The following GATM variants were observed in gnomAD, a reference collection of about 807,000 sequenced individuals.
GATM encodes the protein glycine amidinotransferase, mitochondrial.
Under a neutral mutation model 54.2 loss-of-function variants are expected in GATM, and 23 were observed. The observed-to-expected ratio is 0.42, with a 90% confidence interval of 0.31 to 0.60. The LOEUF (loss-of-function observed/expected upper bound fraction) is 0.60. Among genes scored for constraint, GATM ranks in the 20% least tolerant of loss-of-function variants. GATM has a pLI of 0.14. For missense variants in GATM, 401 were observed against 544.9 expected, an observed-to-expected ratio of 0.74 and a Z score of 2.63; for synonymous variants, 168 against 183.1, an observed-to-expected ratio of 0.92 and a Z score of 0.67.
In GATM at chr15:45,368,215, T is replaced by C. The variant is rs1476714481; in HGVS notation, c.530A>G (p.Asn177Ser). 3.7e-6 allele frequency: 6 copies of C among 1,613,970 alleles called. No individual in the cohort carries two copies. The African/African-American group carries it at 8.0e-5, about 22-fold the overall frequency. Residue 177 changes from asparagine (N) to serine (S), a missense_variant, in exon 4 of 9, where the codon AAT becomes AGT. By Grantham distance (46) the Asn-to-Ser change is conservative (BLOSUM62 1). Around this residue, in one of 3 missense-constraint regions of GATM, gnomAD observed 321 missense variants for 457.5 expected, o/e 0.70. Coordinates refer to ENST00000396659, the MANE Select transcript of GATM (RefSeq NM_001482.3). The surrounding 1 kb of genome is among the most constrained non-coding windows in gnomAD (Gnocchi z 5.1). ...TGCCATGGGAGCCTCGATAATCTCA[T>C]TGCCCACAACTATCAGGATGTCTCG... Reference protein sequence around the residue: ...MPRDILIVVGNEIIEAPMAWR... With the variant: ...MPRDILIVVGSEIIEAPMAWR...
chr15:45,361,774 G>A lies in GATM; in HGVS notation c.*335C>T. On this transcript the variant is annotated 3_prime_UTR_variant, in exon 9 of 9. Coordinates refer to ENST00000396659, the MANE Select transcript of GATM (RefSeq NM_001482.3). Reference sequence around the variant, plus strand: ...AAGATTAGGACCAACATTTCAAGCTGCCTTTTGGAAAGAAAATTAAAAACA... The same window carrying A: ...AAGATTAGGACCAACATTTCAAGCTACCTTTTGGAAAGAAAATTAAAAACA... 2.0e-6 allele frequency: 1 copy of A among 492,512 alleles called. No individual in the cohort carries two copies. The highest frequency in any genetic ancestry group is 1.9e-5 in the African/African-American group (1 of 51,288). 30.5% of individuals were successfully genotyped at this position (492,512 alleles called of 1,614,324 possible). A position where few individuals can be genotyped will look rare whatever the true frequency, so the allele number is the denominator to read the frequency against.
intron 2 of GATM, chr15:45,373,119 T>C (rs1889569133): frequency 6.6e-6 from 1 of 152,238 alleles, no homozygotes; most frequent in Non-Finnish European, 1.5e-5. Flanking sequence ...TGTAAGCTTA[T>C]ATTACACTAA....
intron 3 of GATM, among the ~76,000 whole-genome samples, chr15:45,395,439 T>A (rs938162354): frequency 1.3e-5 from 2 of 152,174 alleles, no homozygotes; most frequent in Non-Finnish European, 2.9e-5. Flanking sequence ...CAGATTTAAC[T>A]ATTAAACACC....
chr15:45,371,987 C>T (rs1452175845), intron 2 of GATM, among the ~76,000 whole-genome samples: 2 of 152,180 alleles, frequency 1.3e-5, no homozygotes, highest in Non-Finnish European at 2.9e-5. Context: ...TATCCAGGTT[C>T]ACATCAGTTA....
At chr15:45,363,037 C>T (rs1889388248) in intron 8 of GATM, among the ~76,000 whole-genome samples, 1 of 152,118 alleles carries the variant, frequency 6.6e-6, no homozygotes. Context: ...AATCCCAATG[C>T]TATGGGAGGC....
rs1049503 is a variant in GATM at position 45,361,509 on chromosome 15, T to C, written c.*600A>G. 49,348 of 154,360 alleles carry C rather than the reference T, an allele frequency of 0.32. 9,029 individuals are homozygous for C. The highest frequency in any genetic ancestry group is 0.83 in the East Asian group (4,402 of 5,286). The allele number at this position is 154,360 out of a possible 1,614,324, so 9.6% of individuals were successfully genotyped here. ...TAAAAACATTCATGGAAAATTCACT[T>C]TGATGTTTTGCATAGTCTAGGTTAT... On this transcript the variant is annotated 3_prime_UTR_variant, in exon 9 of 9. Transcript: ENST00000396659.
upstream of GATM, chr15:45,402,219 C>T: frequency 3.1e-6 from 2 of 654,474 alleles, no homozygotes; most frequent in Admixed American, 7.8e-5. Flanking sequence ...AACTCGATTT[C>T]ACGAAAGCGG....
rs753825670 is a variant in GATM, at chr15:45,361,951, A to G, written c.*158T>C. The G allele has an allele frequency of 1.4e-5, 9 of 648,518 alleles. No homozygotes were observed. Among genetic ancestry groups the G allele is most frequent in the Non-Finnish European group, 2.5e-5 (9 of 359,522 alleles). The allele number at this position is 648,518 out of a possible 1,614,324, so 40.2% of individuals were successfully genotyped here. A position where few individuals can be genotyped will look rare whatever the true frequency, so the allele number is the denominator to read the frequency against. ...AGCAGAAGTTATTTTCTTTATGTCA[A>G]AGAAAAGTAATAGAAGCAAACCAGG... is the stretch of plus-strand genomic sequence containing the variant. On this transcript the variant is annotated 3_prime_UTR_variant, in exon 9 of 9. Coordinates refer to ENST00000396659, the MANE Select transcript of GATM (RefSeq NM_001482.3).
intron 2 of GATM, chr15:45,369,837 GC>G: frequency 5.5e-6 from 2 of 361,058 alleles, no homozygotes; most frequent in South Asian, 6.0e-5. Flanking sequence ...TTTTTGCCAT[GC>G]TTTGCAGACA....
At chr15:45,388,194 G>C (rs1445066572) in intron 3 of GATM, among the ~76,000 whole-genome samples, 2 of 152,104 alleles carry the variant, frequency 1.3e-5, no homozygotes, top group Non-Finnish European at 2.9e-5. Flanking sequence ...GCACAAGTCA[G>C]CCTTCTAAAC....
chr15:45,367,919 T>G (rs1889474489), intron 4 of GATM, 151 bp downstream of exon 4: 2 of 665,562 alleles, frequency 3.0e-6, no homozygotes, highest in African/African-American at 3.6e-5. Flanking sequence ...CTTATCATAT[T>G]CATCATAAAA....
intron 2 of GATM, among the ~76,000 whole-genome samples, chr15:45,376,288 G>T (rs1026826112): frequency 6.6e-6 from 1 of 152,170 alleles, no homozygotes; most frequent in Non-Finnish European, 1.5e-5. Context: ...CTAAGAGAAG[G>T]GGGCTGAAAG....
intron 3 of GATM, among the ~76,000 whole-genome samples, chr15:45,394,556 T>G (rs145776142): frequency 1.0e-3 from 153 of 152,346 alleles, no homozygotes; most frequent in African/African-American, 3.6e-3. Context: ...TGCCAAAACT[T>G]CATTCCAAAG....
Position 45,361,570 on chromosome 15 carries a change from TC to T in GATM, c.*538del, listed in dbSNP as rs1447978639. 1 of 181,944 alleles carries T rather than the reference TC, an allele frequency of 5.5e-6. No homozygotes were observed. The highest frequency in any genetic ancestry group is 2.3e-5 in the African/African-American group (1 of 42,842). The allele number at this position is 181,944 out of a possible 1,614,324, so 11.3% of individuals were successfully genotyped here. On this transcript the variant is annotated 3_prime_UTR_variant, in exon 9 of 9. Transcript: ENST00000396659. ...ACAAAAAATTAAAAATTACCCAAAT[TC>T]CTTATTAGAAAAAGAGACAATTACC...
intron 8 of GATM, chr15:45,363,607 G>A (rs1324754431): frequency 8.2e-5 from 42 of 510,022 alleles, no homozygotes; most frequent in Non-Finnish European, 1.4e-4. Context: ...CTGCTCACCT[G>A]CAAAGGGGTG....
intron 3 of GATM, among the ~76,000 whole-genome samples, chr15:45,395,169 T>G (rs1023473401): frequency 6.6e-6 from 1 of 152,188 alleles, no homozygotes; most frequent in Non-Finnish European, 1.5e-5. Context: ...AATAAGCCAT[T>G]TGCAGACAAT....
At chr15:45,398,046 G>A (rs998678908) in intron 2 of GATM, among the ~76,000 whole-genome samples, 6 of 152,070 alleles carry the variant, frequency 3.9e-5, no homozygotes, top group East Asian at 3.8e-4. Context: ...GCCCTTTTCC[G>A]TTTATTTCTT....
At chr15:45,372,179 G>A (rs1490518779) in intron 2 of GATM, among the ~76,000 whole-genome samples, 2 of 152,178 alleles carry the variant, frequency 1.3e-5, no homozygotes, top group South Asian at 2.1e-4. Context: ...ATTTGTTTAC[G>A]TATTGTCTAT....
chr15:45,368,670 G>C lies in GATM; in HGVS notation c.485-410C>G, dbSNP rs1471003608. ...ACCTCTTTTTTTGGTTAAAAAAATT[G>C]CTAGAAATACATGTGTGTATATATA... On this transcript the variant is annotated intron_variant, in intron 3 of 8. Coordinates refer to ENST00000396659, the MANE Select transcript of GATM (RefSeq NM_001482.3). This position sits in a 1 kb window ranked among gnomAD's most constrained non-coding sequence, Gnocchi z 5.1. Among the ~76,000 whole-genome samples, 1 of 151,070 alleles carries C rather than the reference G, an allele frequency of 6.6e-6. No homozygotes were observed. The highest frequency in any genetic ancestry group is 2.4e-5 in the African/African-American group (1 of 40,990).
Sources: gnomAD v4.1 joint callset for allele counts (sites outside exome capture counted in the v4.1 genomes callset) on GRCh38, gnomAD v4.1.1 for gene constraint, gnomAD v4.1.1 regional missense constraint, Gnocchi (gnomAD v3.1) non-coding constraint, MANE v1.5 for transcripts, NCBI Gene and HGNC (gene_info 2026-07-23, HGNC 2026-07-21) for gene names.